GRAMD1C: variants seen among roughly 807,000 people sequenced by gnomAD.
GRAMD1C encodes the protein protein Aster-C.
Under a neutral mutation model 97.8 loss-of-function variants are expected in GRAMD1C, and 89 were observed. The observed-to-expected ratio is 0.91, with a 90% CI of 0.77 to 1.09. GRAMD1C has a LOEUF of 1.09. Ranked by LOEUF, GRAMD1C falls within the 50% of genes least tolerant of loss-of-function variation. The pLI, the probability that GRAMD1C is intolerant of heterozygous loss-of-function variation, is 0.00. For synonymous variants in GRAMD1C, 256 were observed against 267.0 expected, an observed-to-expected ratio of 0.96 and a Z score of 0.40; for missense variants, 740 against 766.4, an observed-to-expected ratio of 0.97 and a Z score of 0.41.
Position 113,936,458 on chromosome 3 carries a change from T to C in GRAMD1C, c.1633+16T>C. The C allele has an allele frequency of 6.5e-7, 1 of 1,527,166 alleles. No individual in the cohort carries two copies. Among genetic ancestry groups the C allele is most frequent in the Non-Finnish European group, 9.0e-7 (1 of 1,116,986 alleles). The allele number at this position is 1,527,166 out of a possible 1,614,324, so 94.6% of individuals were successfully genotyped here. A position where few individuals can be genotyped will look rare whatever the true frequency, so the allele number is the denominator to read the frequency against. ...GATATTACAGGTAGTTGTCACCTGG[T>C]AAACAGAGATGAAAGATTTTTACTT... On this transcript the variant is annotated intron_variant, in intron 14 of 17. Transcript: ENST00000358160.
intron 17 of GRAMD1C, among the ~76,000 whole-genome samples, chr3:113,943,135 G>A (rs953920978): frequency 5.3e-5 from 8 of 152,180 alleles, no homozygotes; most frequent in African/African-American, 1.7e-4. Context: ...ACTCCTGCCT[G>A]ATGTTCTTCC....
At chr3:113,865,448 A>C (rs1180884140) in intron 2 of GRAMD1C, among the ~76,000 whole-genome samples, 1 of 152,178 alleles carries the variant, frequency 6.6e-6, no homozygotes, top group Non-Finnish European at 1.5e-5. Flanking sequence ...TTTGATTAGA[A>C]GCCAACTGTT....
intron 6 of GRAMD1C, among the ~76,000 whole-genome samples, chr3:113,899,453 C>T (rs1426769671): frequency 8.3e-6 from 1 of 121,038 alleles, no homozygotes; most frequent in Non-Finnish European, 1.9e-5. Context: ...CATGTCTCTT[C>T]AACTATATTA....
chr3:113,913,844 T>C (rs1199255959), intron 9 of GRAMD1C, among the ~76,000 whole-genome samples: 1 of 152,188 alleles, frequency 6.6e-6, no homozygotes, highest in African/African-American at 2.4e-5. Flanking sequence ...TTGAAGTCAA[T>C]GAACTGAAGT....
chr3:113,849,344 G>T (rs1933758501), intron 2 of GRAMD1C, among the ~76,000 whole-genome samples: 1 of 150,878 alleles, frequency 6.6e-6, no homozygotes, highest in South Asian at 2.1e-4. Context: ...TCTCGCAGAG[G>T]GGGATTTGGC....
chr3:113,844,924 C>T (rs1933544993), intron 2 of GRAMD1C: 1 of 269,098 alleles, frequency 3.7e-6, no homozygotes, highest in Non-Finnish European at 6.9e-6. Context: ...CTGTAGCTCA[C>T]TGTATTGTCA....
chr3:113,938,925 T>C (rs1937638044), intron 15 of GRAMD1C: 1 of 152,214 alleles, frequency 6.6e-6, no homozygotes, highest in East Asian at 1.9e-4. Flanking sequence ...AAGATGTTTG[T>C]TGTTCCTTTG....
chr3:113,841,285 C>CTTTCTTT (rs1553714128), intron 1 of GRAMD1C, among the ~76,000 whole-genome samples: 16 of 94,342 alleles, frequency 1.7e-4, no homozygotes, highest in Middle Eastern at 9.1e-3. Context: ...TTCTTTCTTT[C>CTTTCTTT]TTTTTTTTTT....
rs1016748966 is a variant in GRAMD1C, at chr3:113,850,433, G to A, written c.174+5784G>A. 4.1e-6 allele frequency: 5 copies of A among 1,222,610 alleles called. No homozygotes were observed. The African/African-American group carries it at 5.9e-5, about 15-fold the overall frequency. 75.7% of individuals were successfully genotyped at this position (1,222,610 alleles called of 1,614,324 possible). A position where few individuals can be genotyped will look rare whatever the true frequency, so the allele number is the denominator to read the frequency against. ...CAGACCTTTAGGCCAAGGCCTGCCAGTCTCTGGATGGCTGCAGCGTAGGGT... is the reference window on the plus strand; with the variant it reads ...CAGACCTTTAGGCCAAGGCCTGCCAATCTCTGGATGGCTGCAGCGTAGGGT... On this transcript the variant is annotated intron_variant, in intron 2 of 17. Coordinates refer to ENST00000358160, the MANE Select transcript of GRAMD1C (RefSeq NM_017577.5).
intron 1 of GRAMD1C, among the ~76,000 whole-genome samples, chr3:113,832,064 C>A (rs967151169): frequency 6.7e-6 from 1 of 149,000 alleles, no homozygotes; most frequent in Non-Finnish European, 1.5e-5. Flanking sequence ...GAGTCTTACT[C>A]TGTCGCTCAG....
intron 2 of GRAMD1C, among the ~76,000 whole-genome samples, chr3:113,846,239 T>C (rs112330589): frequency 3.3e-5 from 5 of 152,228 alleles, no homozygotes; most frequent in African/African-American, 1.2e-4. Context: ...CCCAAGTAGC[T>C]GGGATTACAA....
intron 3 of GRAMD1C, among the ~76,000 whole-genome samples, chr3:113,875,061 T>C (rs931887279): frequency 6.6e-6 from 1 of 152,152 alleles, no homozygotes; most frequent in African/African-American, 2.4e-5. Flanking sequence ...TGTTTCTTTT[T>C]ACCAAAAGGC....
intron 10 of GRAMD1C, among the ~76,000 whole-genome samples, chr3:113,918,479 T>A (rs1160510988): frequency 6.6e-6 from 1 of 152,232 alleles, no homozygotes; most frequent in Admixed American, 6.5e-5. Context: ...TTTTCTGATA[T>A]ATCTGGCTTC....
At chr3:113,911,640 CTTCTTTCTTT>C (rs1249676308) in intron 9 of GRAMD1C, among the ~76,000 whole-genome samples, 6 of 147,296 alleles carry the variant, frequency 4.1e-5, no homozygotes, top group African/African-American at 1.5e-4. Context: ...CCTTTCTTTC[CTTCTTTCTTT>C]TTCTTTCTTT....
chr3:113,874,050 G>A (rs998667557), intron 3 of GRAMD1C, among the ~76,000 whole-genome samples: 2 of 152,188 alleles, frequency 1.3e-5, no homozygotes, highest in African/African-American at 4.8e-5. Flanking sequence ...GCTGATGGAA[G>A]CATTGTGAAA....
At chr3:113,940,153 A>T in intron 16 of GRAMD1C, 87 bp from the exon 17 acceptor site, 1 of 952,890 alleles carries the variant, frequency 1.0e-6, no homozygotes, top group South Asian at 1.4e-5. Context: ...TTTTGTTTGC[A>T]AATTTATGGG....
intron 6 of GRAMD1C, among the ~76,000 whole-genome samples, chr3:113,899,714 T>C (rs1280331048): frequency 6.6e-6 from 1 of 152,206 alleles, no homozygotes; most frequent in Non-Finnish European, 1.5e-5. Context: ...TGTTATTTAA[T>C]TTTATTTTTC....
At chr3:113,890,675 G>C (rs1935687289) in intron 6 of GRAMD1C, 3 of 674,046 alleles carry the variant, frequency 4.5e-6, no homozygotes, top group African/African-American at 1.8e-5. Flanking sequence ...ATTCTAGCAA[G>C]GCACCAGCGA....
chr3:113,924,965 A>T (rs937761182), intron 10 of GRAMD1C, among the ~76,000 whole-genome samples: 2 of 152,178 alleles, frequency 1.3e-5, no homozygotes, highest in Admixed American at 6.5e-5. Context: ...TGTTGATTGC[A>T]TATATACTTG....
Sources: allele counts gnomAD v4.1 joint callset (sites outside exome capture counted in the v4.1 genomes callset), GRCh38; gene constraint gnomAD v4.1.1; transcripts MANE v1.5; gene names NCBI Gene and HGNC (gene_info 2026-07-23, HGNC 2026-07-21).